LMBR1L: variants seen among roughly 807,000 people sequenced by gnomAD.
LMBR1L encodes the protein limb development membrane protein 1 like.
Under a neutral mutation model 67.3 loss-of-function variants are expected in LMBR1L, and 47 were observed. The observed-to-expected ratio is 0.70, with a 90% CI of 0.55 to 0.89. The LOEUF (loss-of-function observed/expected upper bound fraction) is 0.89, where lower values mean the gene tolerates loss of function less well. Among genes scored for constraint, LMBR1L ranks in the 40% least tolerant of loss-of-function variants. LMBR1L has a pLI of 0.00. For missense variants in LMBR1L, 533 were observed against 599.2 expected (o/e 0.89, Z 1.15); for synonymous variants, 247 against 250.3 (o/e 0.99, Z 0.13).
chr12:49,103,859 G>A (rs1565592848), intron 5 of LMBR1L, 46 bp from the exon 6 acceptor site: 2 of 1,565,478 alleles, frequency 1.3e-6, no homozygotes, highest in Admixed American at 1.9e-5. Context: ...TCAGGGCAGT[G>A]TGGGAACATT....
At chr12:49,109,356 A>C (rs1159803413) in intron 1 of LMBR1L, among the ~76,000 whole-genome samples, 1 of 152,122 alleles carries the variant, frequency 6.6e-6, no homozygotes, top group Non-Finnish European at 1.5e-5. Context: ...ACCAAGAAAC[A>C]CACAAGGAAG....
At chr12:49,100,929 A>G (rs1212294116) in intron 13 of LMBR1L, 3 of 545,128 alleles carry the variant, frequency 5.5e-6, no homozygotes, top group Non-Finnish European at 9.6e-6. Context: ...GGGTTTCACC[A>G]TGTTGCTCAG....
chr12:49,097,440 C>A lies in LMBR1L; in HGVS notation c.*232G>T. 1.8e-6 allele frequency: 1 copy of A among 565,772 alleles called. No homozygotes were observed. The highest frequency in any genetic ancestry group is 3.2e-6 in the Non-Finnish European group (1 of 314,206). The allele number at this position is 565,772 out of a possible 1,614,324, so 35.0% of individuals were successfully genotyped here. A position where few individuals can be genotyped will look rare whatever the true frequency, so the allele number is the denominator to read the frequency against. On this transcript the variant is annotated 3_prime_UTR_variant, in exon 17 of 17. Transcript: ENST00000267102. ...ACAGATTTGGGATCAGGGGCTAGAC[C>A]CAGTCACCCAGCCCTACCCCATGCT...
At chr12:49,102,691 TC>T in intron 8 of LMBR1L, 151 bp from the exon 9 acceptor site, 1 of 925,510 alleles carries the variant, frequency 1.1e-6, no homozygotes, top group Admixed American at 2.2e-5. Context: ...GCTCAGTCCC[TC>T]CCAATTGCCC....
chr12:49,100,693 CTCA>C (rs1256251408), intron 13 of LMBR1L, 47 bp from the exon 14 acceptor site: 1 of 1,397,370 alleles, frequency 7.2e-7, no homozygotes, highest in Admixed American at 1.8e-5. Context: ...GAATTAATAA[CTCA>C]TCTCAAAGGG....
chr12:49,106,810 T>G (rs1940969678), intron 2 of LMBR1L, 151 bp downstream of exon 2: 1 of 848,978 alleles, frequency 1.2e-6, no homozygotes, highest in African/African-American at 1.6e-5. Context: ...CCCTTGCCCC[T>G]ATCTTGCAGA....
In LMBR1L at chr12:49,110,830, C is replaced by G; in HGVS notation, c.-275G>C. The G allele has an allele frequency of 6.3e-6, 3 of 475,332 alleles. No homozygotes were observed. The allele number at this position is 475,332 out of a possible 1,614,324, so 29.4% of individuals were successfully genotyped here. ...GCGCTCACGTTTCAATGCAAACACC[C>G]GCCACTAGGCTCGCTACGAGGAAGC... On this transcript the variant is annotated 5_prime_UTR_variant, in exon 1 of 17. Coordinates refer to ENST00000267102, the MANE Select transcript of LMBR1L (RefSeq NM_018113.4).
In LMBR1L at chr12:49,098,097, G is replaced by A. The variant is rs371513681; in HGVS notation, c.1249C>T (p.Arg417Cys). ...PVFSRTLGLT[R>C]FDLLGDFGRF... Reference sequence around the variant, plus strand: ...CCAAAGTCACCCAGCAGGTCAAAGCGAGTGAGCCCTGAAGCACAAAGGCCA... The same window carrying A: ...CCAAAGTCACCCAGCAGGTCAAAGCAAGTGAGCCCTGAAGCACAAAGGCCA... Residue 417 changes from arginine to cysteine, a missense_variant, in exon 16 of 17, where the codon CGC (arginine) becomes TGC (cysteine). Arg to Cys is a radical substitution (Grantham distance 180). Transcript: ENST00000267102. 1.5e-5 allele frequency: 25 copies of A among 1,613,226 alleles called. No homozygotes were observed. Among genetic ancestry groups the A allele is most frequent in the East Asian group, 2.2e-5 (1 of 44,878 alleles).
At position 49,102,342 on chromosome 12, in the gene LMBR1L, C is replaced by T; in HGVS notation, c.804G>A (p.Glu268=). The change falls in exon 10 of 17, where the codon GAG becomes GAA. Residue 268 remains glutamate, a synonymous_variant. Transcript: ENST00000267102. ...GAGCCAGGACCTGTCTGTGTAGCAG[C>T]TCCATGTCTAAAGGCAGCCAGCAGG... ...PTSCWLPLDM[E]LLHRQVLALQ... is the part of the protein sequence containing the mutation. 6.2e-7 allele frequency: 1 copy of T among 1,614,220 alleles called. No individual in the cohort carries two copies. Among genetic ancestry groups the T allele is most frequent in the Non-Finnish European group, 8.5e-7 (1 of 1,180,034 alleles).
intron 11 of LMBR1L, 135 bp downstream of exon 11, chr12:49,101,985 A>C (rs1463844259): frequency 1.1e-5 from 8 of 706,128 alleles, no homozygotes; most frequent in Non-Finnish European, 1.9e-5. Context: ...CACAGGCAGG[A>C]CATAAAAGTA....
At chr12:49,103,866 C>A (rs1448518492) in intron 5 of LMBR1L, 53 bp from the exon 6 acceptor site, 2 of 1,539,792 alleles carry the variant, frequency 1.3e-6, no homozygotes, top group Non-Finnish European at 1.8e-6. Flanking sequence ...AGTGTGGGAA[C>A]ATTGGAGATG....
chr12:49,103,042 C>G lies in LMBR1L; in HGVS notation c.631+49G>C, dbSNP rs764690835. ...ATTCCCTTTCCTTCTAGCCTGGTTA[C>G]TCTGGTCCAAGGACCCTGCCCATTC... is the stretch of plus-strand genomic sequence containing the variant. On this transcript the variant is annotated intron_variant, in intron 7 of 16. Transcript: ENST00000267102. 6 of 1,609,304 alleles carry G rather than the reference C, an allele frequency of 3.7e-6. No individual in the cohort carries two copies. The South Asian group carries it at 5.5e-5, about 15-fold the overall frequency.
Position 49,105,959 on chromosome 12 carries a change from T to C in LMBR1L, c.158-2A>G. 1.2e-6 allele frequency: 2 copies of C among 1,613,040 alleles called. No individual in the cohort carries two copies. The highest frequency in any genetic ancestry group is 1.7e-6 in the Non-Finnish European group (2 of 1,179,598). On this transcript the variant is annotated splice_acceptor_variant, in intron 2 of 16. Coordinates refer to ENST00000267102, the MANE Select transcript of LMBR1L (RefSeq NM_018113.4). LOFTEE classifies it high-confidence loss of function. ...TGACGGTGGCATCTTCATCATCCAC[T>C]GTAAGAGACAGAGGCACGGGGAACA...
intron 11 of LMBR1L, 54 bp downstream of exon 11, chr12:49,102,066 G>C: frequency 6.7e-7 from 1 of 1,500,528 alleles, no homozygotes; most frequent in Admixed American, 1.7e-5. Context: ...CTCTCCCTGA[G>C]AAGGCCTCAA....
chr12:49,108,365 C>T (rs987312462), intron 1 of LMBR1L, among the ~76,000 whole-genome samples: 2 of 152,102 alleles, frequency 1.3e-5, no homozygotes, highest in Non-Finnish European at 2.9e-5. Context: ...AGATCAAGAC[C>T]ATCCTGGCCA....
chr12:49,105,983 C>T, intron 2 of LMBR1L, 26 bp from the exon 3 acceptor site: 1 of 1,610,392 alleles, frequency 6.2e-7, no homozygotes, highest in Middle Eastern at 1.7e-4. Context: ...GCACGGGGAA[C>T]AGGCAGGAGG....
chr12:49,110,681 C>G lies in LMBR1L; in HGVS notation c.-126G>C. On this transcript the variant is annotated 5_prime_UTR_variant, in exon 1 of 17. Transcript: ENST00000267102. Reference sequence around the variant, plus strand: ...CTTTCCTCGCAGCCTGCGACAGAAACTCGGGGCAGTCTGGGGCTCAGATAC... The same window carrying G: ...CTTTCCTCGCAGCCTGCGACAGAAAGTCGGGGCAGTCTGGGGCTCAGATAC... 2.5e-6 allele frequency: 2 copies of G among 793,420 alleles called. No individual in the cohort carries two copies. Among genetic ancestry groups the G allele is most frequent in the Non-Finnish European group, 4.3e-6 (2 of 465,592 alleles). The allele number at this position is 793,420 out of a possible 1,614,324, so 49.1% of individuals were successfully genotyped here. A position where few individuals can be genotyped will look rare whatever the true frequency, so the allele number is the denominator to read the frequency against.
intron 11 of LMBR1L, 126 bp downstream of exon 11, chr12:49,101,994 T>G: frequency 1.3e-6 from 1 of 759,204 alleles, no homozygotes; most frequent in Non-Finnish European, 2.2e-6. Context: ...GACATAAAAG[T>G]AGGCACTCAG....
At chr12:49,099,968 A>T (rs1939922504) in intron 15 of LMBR1L, among the ~76,000 whole-genome samples, 1 of 152,244 alleles carries the variant, frequency 6.6e-6, no homozygotes, top group African/African-American at 2.4e-5. Flanking sequence ...ACCAGTGTAT[A>T]GAGAAAGCAC....
Sources: gnomAD v4.1 joint callset for allele counts (sites outside exome capture counted in the v4.1 genomes callset) on GRCh38, gnomAD v4.1.1 for gene constraint, MANE v1.5 for transcripts, NCBI Gene and HGNC (gene_info 2026-07-23, HGNC 2026-07-21) for gene names.